CEP78: variants seen among roughly 807,000 people sequenced by gnomAD.
CEP78 encodes centrosomal protein 78, also known as centrosomal protein of 78 kDa.
Under a neutral mutation model 81.2 loss-of-function variants are expected in CEP78, and 76 were observed. The observed-to-expected ratio is 0.94, with a 90% CI of 0.78 to 1.13. CEP78 has a LOEUF of 1.13. CEP78 is among the 50% of genes most tolerant of loss of function. CEP78 has a pLI of 0.00. For missense variants in CEP78, 918 were observed against 846.8 expected, an observed-to-expected ratio of 1.08 and a Z score of -1.04; for synonymous variants, 293 against 301.4, an observed-to-expected ratio of 0.97 and a Z score of 0.29.
intron 11 of CEP78, among the ~76,000 whole-genome samples, chr9:78,257,969 A>C (rs1563992009): frequency 6.6e-6 from 1 of 152,222 alleles, no homozygotes; most frequent in African/African-American, 2.4e-5. Context: ...TATATACACA[A>C]GAGTTACAAT....
intron 16 of CEP78, chr9:78,267,138 A>G (rs1463233224): frequency 1.3e-5 from 12 of 901,332 alleles, no homozygotes; most frequent in Non-Finnish European, 1.9e-5. Flanking sequence ...ACTTTTTATT[A>G]TAGTGAAATT....
chr9:78,249,297 T>G (rs1329290696), intron 8 of CEP78: 1 of 152,476 alleles, frequency 6.6e-6, no homozygotes, highest in Non-Finnish European at 1.5e-5. Flanking sequence ...TTTTTTTCCC[T>G]TGTTTCCTCC....
chr9:78,266,708 A>C lies in CEP78; in HGVS notation c.2107+5A>C. 6.2e-7 allele frequency: 1 copy of C among 1,611,778 alleles called. No individual in the cohort carries two copies. Among genetic ancestry groups the C allele is most frequent in the South Asian group, 1.1e-5 (1 of 90,470 alleles). On this transcript the variant is annotated splice_donor_5th_base_variant and intron_variant, in intron 16 of 16. Transcript: ENST00000643273. ...CAGAGAAAAAGACCAAAACAGGTGA[A>C]TATACCAAAAAACACTCTGATAAGC...
chr9:78,253,438 G>A (rs3824547), intron 10 of CEP78, 161 bp downstream of exon 10: 1 of 594,458 alleles, frequency 1.7e-6, no homozygotes, highest in East Asian at 2.9e-5. Context: ...CACAGTATAG[G>A]CGTGTGGATA....
At chr9:78,253,464 G>T in intron 10 of CEP78, 187 bp downstream of exon 10, 3 of 524,442 alleles carry the variant, frequency 5.7e-6, no homozygotes, top group South Asian at 2.8e-5. Context: ...CACAATGGAG[G>T]CCTTGTGGTT....
chr9:78,236,505 G>A lies in CEP78; in HGVS notation c.155G>A (p.Gly52Glu). Residue 52 changes from glycine (G) to glutamate (E), a missense_variant, in exon 1 of 17, where the codon GGG becomes GAG. Coordinates refer to ENST00000643273, the MANE Select transcript of CEP78 (RefSeq NM_001330691.3). The stretch of plus-strand genomic sequence containing the variant: ...GATTTCAACGCCGACCGCCTCCGCG[G>A]GGTGGACTGGGCGCCTCTGCTGAGC... Reference protein sequence around the residue: ...VLDFNADRLRGVDWAPLLSTL... With the variant: ...VLDFNADRLREVDWAPLLSTL... 4.4e-6 allele frequency: 7 copies of A among 1,606,958 alleles called. No homozygotes were observed. Among genetic ancestry groups the A allele is most frequent in the Non-Finnish European group, 5.9e-6 (7 of 1,176,734 alleles).
chr9:78,252,298 G>T (rs182993870), intron 9 of CEP78, among the ~76,000 whole-genome samples: 1 of 152,262 alleles, frequency 6.6e-6, no homozygotes, highest in African/African-American at 2.4e-5. Flanking sequence ...CAATTGTGCA[G>T]GTGAGAAAAG....
intron 8 of CEP78, among the ~76,000 whole-genome samples, chr9:78,251,138 A>G (rs1322669127): frequency 6.6e-6 from 1 of 152,208 alleles, no homozygotes; most frequent in Non-Finnish European, 1.5e-5. Context: ...AGCTTTTACT[A>G]CCAAATATTT....
intron 4 of CEP78, among the ~76,000 whole-genome samples, chr9:78,242,263 A>G (rs970752039): frequency 6.6e-6 from 1 of 152,136 alleles, no homozygotes; most frequent in Non-Finnish European, 1.5e-5. Context: ...CATATTAACT[A>G]TTGCTACACC....
At chr9:78,267,129 C>A in intron 16 of CEP78, 1 of 931,900 alleles carries the variant, frequency 1.1e-6, no homozygotes, top group Non-Finnish European at 1.5e-6. Flanking sequence ...TTTCTCTATA[C>A]TTTTTATTAT....
At chr9:78,254,119 A>G (rs537536837) in intron 10 of CEP78, among the ~76,000 whole-genome samples, 3 of 152,322 alleles carry the variant, frequency 2.0e-5, no homozygotes, top group African/African-American at 7.2e-5. Context: ...TTGAAACTTG[A>G]CAGGAGAATT....
At chr9:78,249,506 G>A (rs1400755803) in intron 8 of CEP78, 1 of 152,000 alleles carries the variant, frequency 6.6e-6, no homozygotes, top group African/African-American at 2.4e-5. Flanking sequence ...CCAAATAATA[G>A]TCTAGAATTT....
intron 8 of CEP78, chr9:78,250,028 A>G (rs1826679334): frequency 2.8e-6 from 1 of 351,764 alleles, no homozygotes; most frequent in Non-Finnish European, 5.0e-6. Flanking sequence ...AAAATGGCTA[A>G]GATATAAAAC....
chr9:78,268,069 A>G (rs576654621), intron 16 of CEP78, among the ~76,000 whole-genome samples: 20 of 152,188 alleles, frequency 1.3e-4, no homozygotes, highest in East Asian at 5.8e-4. Flanking sequence ...GTAATACCGT[A>G]TATTACATTC....
rs1827677520 is a variant in CEP78 at position 78,270,953 on chromosome 9, C to T, written c.*102C>T. On this transcript the variant is annotated 3_prime_UTR_variant, in exon 17 of 17. Coordinates refer to ENST00000643273, the MANE Select transcript of CEP78 (RefSeq NM_001330691.3). ...AGATAAGAAGCAGATGATTTAAGTA[C>T]CAGTTAATTAAAGGATGGAACAGCT... is the stretch of plus-strand genomic sequence containing the variant. 2 of 598,000 alleles carry T rather than the reference C, an allele frequency of 3.3e-6. No individual in the cohort carries two copies. Among genetic ancestry groups the T allele is most frequent in the Non-Finnish European group, 5.8e-6 (2 of 342,598 alleles). The allele number at this position is 598,000 out of a possible 1,614,324, so 37.0% of individuals were successfully genotyped here.
Position 78,279,406 on chromosome 9 carries a change from T to A in CEP78, c.*8555T>A, listed in dbSNP as rs928024119. ...CCTAAATCTTACCTAAGAATTGAGT[T>A]CCTTATTGTAACCAGATAGGAGACA... is the stretch of plus-strand genomic sequence containing the variant. On this transcript the variant is annotated 3_prime_UTR_variant, in exon 17 of 17. Coordinates refer to ENST00000643273, the MANE Select transcript of CEP78 (RefSeq NM_001330691.3). The A allele has an allele frequency of 2.6e-5, 4 of 152,210 alleles. No homozygotes were observed. Among genetic ancestry groups the A allele is most frequent in the Non-Finnish European group, 5.9e-5 (4 of 68,038 alleles). 9.4% of individuals were successfully genotyped at this position (152,210 alleles called of 1,614,324 possible).
rs1826151764 is a variant in CEP78, at chr9:78,240,090, G to C, written c.321G>C (p.Gln107His). The C allele has an allele frequency of 6.3e-7, 1 of 1,585,418 alleles. No homozygotes were observed. Among genetic ancestry groups the C allele is most frequent in the African/African-American group, 1.4e-5 (1 of 72,824 alleles). The change falls in exon 2 of 17, where the codon CAG (glutamine) becomes CAC (histidine). Residue 107 changes from glutamine (Q) to histidine (H), a missense_variant. Gln to His is a conservative substitution (Grantham distance 24, BLOSUM62 0). Coordinates refer to ENST00000643273, the MANE Select transcript of CEP78 (RefSeq NM_001330691.3). ...PAIRYKDVTFQLCKALKGCLS... is the reference protein window; with the variant it reads ...PAIRYKDVTFHLCKALKGCLS... ...TAAGATACAAAGATGTGACCTTCCA[G>C]TTGTGTAAAGCTCTTAAAGGCTGTT...
chr9:78,241,502 C>T (rs72743757), intron 3 of CEP78, among the ~76,000 whole-genome samples, 194 bp from the exon 4 acceptor site: 3 of 152,050 alleles, frequency 2.0e-5, no homozygotes, highest in South Asian at 4.1e-4. Flanking sequence ...TGAACTATTG[C>T]AATAAACTGG....
intron 16 of CEP78, chr9:78,267,124 CTA>C (rs1827578819): frequency 2.1e-6 from 2 of 957,594 alleles, no homozygotes; most frequent in African/African-American, 1.7e-5. Context: ...GAAGATTTCT[CTA>C]TACTTTTTAT....
Sources: allele counts gnomAD v4.1 joint callset (sites outside exome capture counted in the v4.1 genomes callset), GRCh38; gene constraint gnomAD v4.1.1; transcripts MANE v1.5; gene names NCBI Gene and HGNC (gene_info 2026-07-23, HGNC 2026-07-21).